Variants in CPEB2 observed in about 807,000 individuals in gnomAD.
CPEB2 encodes cytoplasmic polyadenylation element binding protein 2.
CPEB2 carries 56 observed loss-of-function variants against 93.6 expected under a neutral mutation model. That is an observed-to-expected ratio of 0.60 (90% CI 0.48 to 0.75). The LOEUF (loss-of-function observed/expected upper bound fraction) is 0.75, where lower values mean the gene tolerates loss of function less well. Ranked by LOEUF, CPEB2 falls within the 30% of genes least tolerant of loss-of-function variation. CPEB2 has a pLI of 0.00. For synonymous variants in CPEB2, 764 were observed against 586.3 expected (o/e 1.30, Z -4.38); for missense variants, 1,579 against 1,395.1 (o/e 1.13, Z -2.10).
chr4:15,040,147 G>A lies in CPEB2; in HGVS notation c.2177-317G>A, dbSNP rs1431512800. Among the ~76,000 whole-genome samples the A allele has an allele frequency of 4.6e-5, 7 of 152,054 alleles. No individual in the cohort carries two copies. The South Asian group carries it at 6.2e-4, about 13-fold the overall frequency. On this transcript the variant is annotated intron_variant, in intron 5 of 11. Transcript: ENST00000538197. ...AAAATTATTTGGGATGCTATTTACC[G>A]CAAAGTGTTGTATATTTCTGTCTTC...
chr4:15,031,909 A>AG (rs1726147143), intron 4 of CPEB2, among the ~76,000 whole-genome samples: 4 of 152,088 alleles, frequency 2.6e-5, no homozygotes, highest in African/African-American at 9.6e-5. Context: ...GGGCTTGCTG[A>AG]GGTGGTAAAG....
chr4:15,019,530 G>A lies in CPEB2; in HGVS notation c.2125+2252G>A, dbSNP rs139237408. Among the ~76,000 whole-genome samples the A allele has an allele frequency of 3.1e-3, 465 of 151,796 alleles. 2 individuals carry two copies. Among genetic ancestry groups the A allele is most frequent in the Non-Finnish European group, 5.6e-3 (377 of 67,920 alleles). ...CCTTCTTTCCATTACTGTTCTTGAG[G>A]GCAGTATTTCGCCCTCTGTCTCATC... On this transcript the variant is annotated intron_variant, in intron 4 of 11. Coordinates refer to ENST00000538197, the MANE Select transcript of CPEB2 (RefSeq NM_001177382.2).
In CPEB2 at chr4:15,060,304, T is replaced by C. The variant is rs190589578; in HGVS notation, c.2695+1003T>C. 2.0e-5 allele frequency among the ~76,000 whole-genome samples: 3 copies of C among 152,260 alleles called. No homozygotes were observed. In the East Asian group the frequency reaches 5.8e-4, roughly 29 times the overall value. On this transcript the variant is annotated intron_variant, in intron 10 of 11. Coordinates refer to ENST00000538197, the MANE Select transcript of CPEB2 (RefSeq NM_001177382.2). ...TTATTCTCAGAGCAAGGGTAAACCA[T>C]TGAAGAGTTTTTAAGCAAAAGAGAG... is the stretch of plus-strand genomic sequence containing the variant.
At chr4:15,035,292 A>C (rs1321673250) in intron 5 of CPEB2, among the ~76,000 whole-genome samples, 1 of 152,064 alleles carries the variant, frequency 6.6e-6, no homozygotes, top group Non-Finnish European at 1.5e-5. Flanking sequence ...TCTGAGTTTA[A>C]ACCCAGGTTG....
chr4:15,004,385 C>T (rs1052478519), intron 1 of CPEB2, 50 bp downstream of exon 1: 12 of 1,326,664 alleles, frequency 9.0e-6, no homozygotes, highest in Non-Finnish European at 1.2e-5. Context: ...AGACCATGGG[C>T]GGGGGACGGA....
chr4:15,041,220 A>G (rs1304113598), intron 6 of CPEB2, among the ~76,000 whole-genome samples: 1 of 152,150 alleles, frequency 6.6e-6, no homozygotes, highest in East Asian at 1.9e-4. Context: ...TGTGCAGACT[A>G]GTAGATGGGA....
chr4:15,010,409 A>AC (rs1439261286), intron 3 of CPEB2: 1 of 152,176 alleles, frequency 6.6e-6, no homozygotes, highest in Non-Finnish European at 1.5e-5. Flanking sequence ...GCATTAGTCT[A>AC]AGGCAGTGGA....
chr4:15,046,980 A>G (rs750691628), intron 6 of CPEB2, among the ~76,000 whole-genome samples: 43 of 152,342 alleles, frequency 2.8e-4, no homozygotes, highest in Non-Finnish European at 5.3e-4. Flanking sequence ...ATGGTGTGAT[A>G]CAAGGATCAA....
intron 6 of CPEB2, among the ~76,000 whole-genome samples, chr4:15,042,407 G>A (rs1275913433): frequency 1.3e-5 from 2 of 151,822 alleles, no homozygotes; most frequent in Non-Finnish European, 1.5e-5. Context: ...TCTATCCCCC[G>A]TAAGCCATAA....
intron 4 of CPEB2, among the ~76,000 whole-genome samples, chr4:15,032,487 T>G (rs1272292033): frequency 6.6e-6 from 1 of 152,166 alleles, no homozygotes; most frequent in Non-Finnish European, 1.5e-5. Flanking sequence ...CCTTCTGCAT[T>G]TAGTAAATAA....
At chr4:15,013,619 A>C (rs983206870) in intron 3 of CPEB2, among the ~76,000 whole-genome samples, 1 of 152,044 alleles carries the variant, frequency 6.6e-6, no homozygotes, top group African/African-American at 2.4e-5. Flanking sequence ...TTTTTTCAGA[A>C]GTCATATTTT....
chr4:15,029,990 G>A (rs1373463018), intron 4 of CPEB2, among the ~76,000 whole-genome samples: 1 of 152,014 alleles, frequency 6.6e-6, no homozygotes, highest in African/African-American at 2.4e-5. Flanking sequence ...GCTGGGCTAT[G>A]TATGTAGTTT....
In CPEB2 at chr4:15,003,388, CT is replaced by C; in HGVS notation, c.716del (p.Leu239ArgfsTer69). On this transcript the variant is annotated frameshift_variant, in exon 1 of 12. Transcript: ENST00000538197. LOFTEE classifies it high-confidence loss of function. ...ACAGCCGCCGCAGCAGTTCAGCCTC[CT>C]GCATCAGCAGCACCTCTCGCCGCAG... ...QQQPPQQFSLLHQQHLSPQDF... is the reference protein window; with the variant it reads ...QQQPPQQFSLXHQQHLSPQDF... 7.3e-7 allele frequency: 1 copy of C among 1,376,820 alleles called. No individual in the cohort carries two copies. Among genetic ancestry groups the C allele is most frequent in the Non-Finnish European group, 9.3e-7 (1 of 1,076,636 alleles). 85.3% of individuals were successfully genotyped at this position (1,376,820 alleles called of 1,614,324 possible). A position where few individuals can be genotyped will look rare whatever the true frequency, so the allele number is the denominator to read the frequency against.
chr4:15,017,166 C>A (rs765568603), intron 3 of CPEB2, 22 bp from the exon 4 acceptor site: 1 of 1,383,196 alleles, frequency 7.2e-7, no homozygotes, highest in Non-Finnish European at 1.0e-6. Context: ...ATTATAATGT[C>A]TTTTTTCCTC....
chr4:15,039,319 G>A (rs1187315947), intron 5 of CPEB2, among the ~76,000 whole-genome samples: 1 of 152,106 alleles, frequency 6.6e-6, no homozygotes, highest in African/African-American at 2.4e-5. Context: ...ACACTTCCTT[G>A]TAGTAAAGCA....
chr4:15,027,014 GTTTTGCAACCAT>G (rs980432547), intron 4 of CPEB2, among the ~76,000 whole-genome samples: 4 of 152,102 alleles, frequency 2.6e-5, no homozygotes, highest in African/African-American at 9.7e-5. Flanking sequence ...ACAGTGAAAA[GTTTTGCAACCAT>G]TAACTCAACT....
intron 3 of CPEB2, among the ~76,000 whole-genome samples, chr4:15,011,086 CTA>C (rs996779003): frequency 2.7e-5 from 4 of 148,800 alleles, no homozygotes; most frequent in African/African-American, 9.9e-5. Flanking sequence ...ATACATATCT[CTA>C]TGAATTTCTT....
rs1243838068 is a variant in CPEB2, at chr4:15,038,569, T to G, written c.2177-1895T>G. ...TTCTAGGCTTAATACAACTATTCAC[T>G]CTTCTGTAGTCTATTCTTTTTTTTT... On this transcript the variant is annotated intron_variant, in intron 5 of 11. Coordinates refer to ENST00000538197, the MANE Select transcript of CPEB2 (RefSeq NM_001177382.2). Among the ~76,000 whole-genome samples the G allele has an allele frequency of 2.0e-5, 3 of 151,336 alleles. No homozygotes were observed. The East Asian group carries it at 5.8e-4, about 29-fold the overall frequency.
At chr4:15,044,585 A>T (rs143231555) in intron 6 of CPEB2, among the ~76,000 whole-genome samples, 1 of 152,200 alleles carries the variant, frequency 6.6e-6, no homozygotes, top group African/African-American at 2.4e-5. Context: ...GTACAAACCT[A>T]TTGGAGCAAA....
Sources: gnomAD v4.1 joint callset for allele counts (sites outside exome capture counted in the v4.1 genomes callset) on GRCh38, gnomAD v4.1.1 for gene constraint, MANE v1.5 for transcripts, NCBI Gene and HGNC (gene_info 2026-07-23, HGNC 2026-07-21) for gene names.